UPP2: variants seen among roughly 807,000 people sequenced by gnomAD.
UPP2 encodes the protein uridine phosphorylase 2, also known as UPase 2.
A neutral mutation model predicts 26.7 loss-of-function variants in UPP2; 23 were observed. The observed-to-expected ratio is 0.86, with a 90% CI of 0.62 to 1.22. UPP2 has a LOEUF of 1.22. UPP2 is among the 50% of genes most tolerant of loss of function. The probability of loss-of-function intolerance (pLI) is 0.00; values close to 1 mark genes in which losing one functional copy is unlikely to be tolerated. For synonymous variants in UPP2, 127 were observed against 141.3 expected (o/e 0.90, Z 0.72); for missense variants, 387 against 396.7 (o/e 0.98, Z 0.21).
intron 2 of UPP2, among the ~76,000 whole-genome samples, chr2:158,111,739 T>C (rs1403463554): frequency 1.3e-5 from 2 of 152,208 alleles, no homozygotes; most frequent in East Asian, 3.8e-4. Context: ...TATATCTCTT[T>C]GTTTTGTTTC....
At chr2:158,006,902 C>T (rs1001953295) in intron 2 of UPP2, among the ~76,000 whole-genome samples, 2 of 152,112 alleles carry the variant, frequency 1.3e-5, no homozygotes, top group East Asian at 3.9e-4. Flanking sequence ...GTGAACATTC[C>T]AAGGGGCATA....
At position 158,101,963 on chromosome 2, in the gene UPP2, G is replaced by T. The variant is rs1160577871; in HGVS notation, c.-101G>T. The T allele has an allele frequency of 2.0e-6, 3 of 1,491,216 alleles. No individual in the cohort carries two copies. The highest frequency in any genetic ancestry group is 4.6e-5 in the Admixed American group (2 of 43,378). 92.4% of individuals were successfully genotyped at this position (1,491,216 alleles called of 1,614,324 possible). ...TTTAAGAGAGGTTATCATTCTGACT[G>T]GGAACTGAACTATTATGACTAGGTC... On this transcript the variant is annotated 5_prime_UTR_variant, in exon 1 of 7. Transcript: ENST00000005756.
At chr2:158,049,067 C>A (rs1682104184) in intron 3 of UPP2, among the ~76,000 whole-genome samples, 1 of 152,198 alleles carries the variant, frequency 6.6e-6, no homozygotes, top group African/African-American at 2.4e-5. Flanking sequence ...AGACATTCCG[C>A]TTGCCCACCC....
chr2:158,038,515 A>G (rs1684037048), intron 3 of UPP2, among the ~76,000 whole-genome samples: 1 of 152,252 alleles, frequency 6.6e-6, no homozygotes. Context: ...ATTTTGTATT[A>G]TGCAGCAACA....
chr2:158,104,204 T>C (rs780140284), intron 1 of UPP2, among the ~76,000 whole-genome samples: 21 of 152,192 alleles, frequency 1.4e-4, no homozygotes, highest in Non-Finnish European at 2.1e-4. Flanking sequence ...CTACCAGCAT[T>C]AGCATGAAAC....
intron 3 of UPP2, among the ~76,000 whole-genome samples, chr2:158,048,735 G>A (rs774066752): frequency 6.6e-6 from 1 of 152,196 alleles, no homozygotes; most frequent in Non-Finnish European, 1.5e-5. Flanking sequence ...TTAAAAAATT[G>A]TAAATTAGCT....
At chr2:158,084,579 C>T (rs67689751) in intron 3 of UPP2, among the ~76,000 whole-genome samples, 11,552 of 152,054 alleles carry the variant, frequency 0.076, 554 homozygotes, top group East Asian at 0.25. Context: ...AAGCCAATAT[C>T]GACAAAGGTT....
At chr2:158,065,024 G>T (rs1432826600) in intron 3 of UPP2, among the ~76,000 whole-genome samples, 8 of 152,148 alleles carry the variant, frequency 5.3e-5, no homozygotes, top group Admixed American at 5.2e-4. Context: ...GTAGCGTGAT[G>T]CTTCCGAATA....
At chr2:158,113,757 G>A (rs1335830750) in intron 2 of UPP2, among the ~76,000 whole-genome samples, 1 of 152,140 alleles carries the variant, frequency 6.6e-6, no homozygotes, top group Non-Finnish European at 1.5e-5. Context: ...GATGGACCTT[G>A]TCAGCCCTCC....
chr2:158,015,814 C>T (rs1057285760), exon 3 of UPP2: 3 of 453,534 alleles, frequency 6.6e-6, no homozygotes, highest in African/African-American at 6.0e-5. Flanking sequence ...TGCCTGCTTC[C>T]CCTTCAACTT....
At chr2:158,096,416 T>C (rs1457920935) in intron 3 of UPP2, among the ~76,000 whole-genome samples, 1 of 152,070 alleles carries the variant, frequency 6.6e-6, no homozygotes, top group Non-Finnish European at 1.5e-5. Context: ...CTGGCCAACA[T>C]GGTGAAACCC....
upstream of UPP2, among the ~76,000 whole-genome samples, chr2:158,100,901 C>T (rs2105209600): frequency 6.6e-6 from 1 of 152,210 alleles, no homozygotes; most frequent in African/African-American, 2.4e-5. Flanking sequence ...CCAAAGGAGG[C>T]CAGTGGGGCA....
chr2:158,112,118 C>T (rs916377675), intron 2 of UPP2, among the ~76,000 whole-genome samples: 8 of 152,156 alleles, frequency 5.3e-5, no homozygotes, highest in Middle Eastern at 3.4e-3. Context: ...ATAAAATCCA[C>T]GTCAAAATGC....
intron 3 of UPP2, among the ~76,000 whole-genome samples, chr2:158,086,164 A>T (rs2105198597): frequency 6.6e-6 from 1 of 152,106 alleles, no homozygotes; most frequent in African/African-American, 2.4e-5. Context: ...TTTAATTACC[A>T]TTTATCTCTC....
chr2:158,050,897 C>A (rs1405886334), intron 3 of UPP2, among the ~76,000 whole-genome samples: 1 of 152,016 alleles, frequency 6.6e-6, no homozygotes. Flanking sequence ...AATAATTGGA[C>A]ATTTAAAAAT....
intron 3 of UPP2, among the ~76,000 whole-genome samples, chr2:158,068,804 T>TATATATATA (rs1682489452): frequency 6.8e-5 from 1 of 14,620 alleles, no homozygotes; most frequent in African/African-American, 2.6e-4. Context: ...ATATATATAT[T>TATATATATA]TTTTTTTTTT....
intron 3 of UPP2, among the ~76,000 whole-genome samples, chr2:158,060,035 A>C (rs1481682563): frequency 6.6e-6 from 1 of 152,170 alleles, no homozygotes; most frequent in East Asian, 1.9e-4. Context: ...CATATTATGA[A>C]TACATTAAAT....
chr2:158,117,971 A>G, intron 4 of UPP2, 33 bp downstream of exon 4: 1 of 1,547,916 alleles, frequency 6.5e-7, no homozygotes, highest in Non-Finnish European at 8.9e-7. Flanking sequence ...ATTAGAACTG[A>G]GTGATCCTTA....
In UPP2 at chr2:158,115,167, G is replaced by C. The variant is rs147784693; in HGVS notation, c.247G>C (p.Gly83Arg). Residue 83 changes from glycine to arginine, a missense_variant, in exon 3 of 7, where the codon GGG becomes CGG. Coordinates refer to ENST00000005756, the MANE Select transcript of UPP2 (RefSeq NM_173355.4). ...TGCACTGTTTATGCACAAGGAGCTC[G>C]GGTTTGAGGAAGCTGAAGAAGACAT... ...AFALFMHKEL[G>R]FEEAEEDIKD... The C allele has an allele frequency of 3.1e-6, 5 of 1,613,580 alleles. No individual in the cohort carries two copies. In the African/African-American group the frequency reaches 6.7e-5, roughly 22 times the overall value.
Sources: allele counts gnomAD v4.1 joint callset (sites outside exome capture counted in the v4.1 genomes callset), GRCh38; gene constraint gnomAD v4.1.1; transcripts MANE v1.5; gene names NCBI Gene and HGNC (gene_info 2026-07-23, HGNC 2026-07-21).